Variants in HIPK2 observed in about 807,000 individuals in gnomAD.
HIPK2 encodes homeodomain-interacting protein kinase 2.
HIPK2 carries 27 observed loss-of-function variants against 113.7 expected under a neutral mutation model. The ratio of observed to expected loss-of-function variants is 0.24; its 90% confidence interval spans 0.17 to 0.33. The LOEUF (loss-of-function observed/expected upper bound fraction) is 0.33. Among genes scored for constraint, HIPK2 ranks in the 10% least tolerant of loss-of-function variants. The probability of loss-of-function intolerance (pLI) is 1.00; values close to 1 mark genes in which losing one functional copy is unlikely to be tolerated. For synonymous variants in HIPK2, 631 were observed against 642.2 expected, an observed-to-expected ratio of 0.98 and a Z score of 0.26; for missense variants, 1,257 against 1,588.0, an observed-to-expected ratio of 0.79 and a Z score of 3.54.
intron 9 of HIPK2, among the ~76,000 whole-genome samples, chr7:139,612,478 G>C (rs1001468765): frequency 6.6e-6 from 1 of 152,158 alleles, no homozygotes. Context: ...ACTCTGATGA[G>C]CAAGTTATTC....
chr7:139,764,419 A>G (rs891888015), intron 1 of HIPK2, among the ~76,000 whole-genome samples: 1 of 152,220 alleles, frequency 6.6e-6, no homozygotes, highest in African/African-American at 2.4e-5. Flanking sequence ...AAAAATCAAT[A>G]CAATTTGGTG....
At chr7:139,748,471 G>C (rs984476794) in intron 1 of HIPK2, among the ~76,000 whole-genome samples, 1 of 151,954 alleles carries the variant, frequency 6.6e-6, no homozygotes. Context: ...CTCCCTCCGA[G>C]GCTGTGAGGG....
chr7:139,742,735 C>T (rs952730717), intron 1 of HIPK2, among the ~76,000 whole-genome samples: 2 of 152,100 alleles, frequency 1.3e-5, no homozygotes, highest in African/African-American at 4.8e-5. Context: ...TTCAGAGAAG[C>T]AAAAGGAGCA....
chr7:139,678,065 T>C (rs1312464621), intron 2 of HIPK2, among the ~76,000 whole-genome samples: 3 of 149,490 alleles, frequency 2.0e-5, no homozygotes, highest in Non-Finnish European at 4.5e-5. Context: ...TTTGATGGGG[T>C]TGTTTGTTTT....
chr7:139,595,627 A>G (rs1714778950), intron 12 of HIPK2, among the ~76,000 whole-genome samples: 1 of 152,206 alleles, frequency 6.6e-6, no homozygotes, highest in African/African-American at 2.4e-5. Context: ...TGAATGAGAC[A>G]TGTACTAACC....
chr7:139,668,246 T>A (rs563218679), intron 2 of HIPK2, among the ~76,000 whole-genome samples: 17 of 151,998 alleles, frequency 1.1e-4, no homozygotes, highest in African/African-American at 4.1e-4. Flanking sequence ...GTATAATTAA[T>A]GTGAAATGCT....
chr7:139,710,372 T>C (rs73733198), intron 2 of HIPK2, among the ~76,000 whole-genome samples: 2 of 150,712 alleles, frequency 1.3e-5, no homozygotes, highest in South Asian at 4.3e-4. Context: ...TCATGTTAAC[T>C]TCCCTGTTAA....
At chr7:139,639,377 T>C (rs1476303208) in intron 2 of HIPK2, among the ~76,000 whole-genome samples, 1 of 152,210 alleles carries the variant, frequency 6.6e-6, no homozygotes, top group African/African-American at 2.4e-5. Flanking sequence ...TTTCAAGCTG[T>C]CCTCACTCAC....
At chr7:139,617,690 C>T (rs1800104833) in intron 7 of HIPK2, among the ~76,000 whole-genome samples, 1 of 152,054 alleles carries the variant, frequency 6.6e-6, no homozygotes, top group Non-Finnish European at 1.5e-5. Flanking sequence ...AATTATTGAC[C>T]CAGCTTCCTT....
At chr7:139,647,000 CA>C (rs1247590601) in intron 2 of HIPK2, among the ~76,000 whole-genome samples, 1 of 152,164 alleles carries the variant, frequency 6.6e-6, no homozygotes, top group East Asian at 1.9e-4. Flanking sequence ...GCTTTCTACT[CA>C]AACCTTACCT....
intron 2 of HIPK2, among the ~76,000 whole-genome samples, chr7:139,697,370 A>G (rs1794595592): frequency 6.6e-6 from 1 of 152,248 alleles, no homozygotes. Context: ...CTACAGCCGG[A>G]AAAGTATAAA....
At chr7:139,657,706 G>A (rs2116522496) in intron 2 of HIPK2, among the ~76,000 whole-genome samples, 1 of 152,268 alleles carries the variant, frequency 6.6e-6, no homozygotes, top group Non-Finnish European at 1.5e-5. Flanking sequence ...GTCATGCCAG[G>A]CACTTGTTTC....
At chr7:139,620,342 A>G (rs1585286821) in intron 7 of HIPK2, 59 bp downstream of exon 7, 1 of 1,583,910 alleles carries the variant, frequency 6.3e-7, no homozygotes. Context: ...TGGAAAATAC[A>G]AGTCCTGAGG....
chr7:139,700,442 A>T (rs1381153040), intron 2 of HIPK2, among the ~76,000 whole-genome samples: 1 of 152,216 alleles, frequency 6.6e-6, no homozygotes, highest in Non-Finnish European at 1.5e-5. Flanking sequence ...CTTTCCTGCA[A>T]ATACTCAGAA....
chr7:139,716,685 C>T lies in HIPK2; in HGVS notation c.350G>A (p.Arg117Gln), dbSNP rs764542823. 12 of 1,613,710 alleles carry T rather than the reference C, an allele frequency of 7.4e-6. No homozygotes were observed. Among genetic ancestry groups the T allele is most frequent in the South Asian group, 2.2e-5 (2 of 91,072 alleles). Residue 117 changes from arginine (R) to glutamine (Q), a missense_variant, in exon 2 of 15, where the codon CGA becomes CAA. Transcript: ENST00000406875. The surrounding 1 kb of genome is among the most constrained non-coding windows in gnomAD (Gnocchi z 9.3). The part of the protein sequence containing the change: ...VLGGPHNLMR[R>Q]STVSLLDTYQ... ...GGTATCAAGGAGGCTCACAGTGCTT[C>T]GACGCATTAGGTTGTGTGGTCCGCC...
At chr7:139,588,351 A>C (rs184484595) in intron 12 of HIPK2, among the ~76,000 whole-genome samples, 69 of 151,152 alleles carry the variant, frequency 4.6e-4, no homozygotes, top group African/African-American at 1.4e-3. Flanking sequence ...AAAAAAAAAA[A>C]CAAAAAAACA....
At chr7:139,677,010 C>CA (rs1802524337) in intron 2 of HIPK2, among the ~76,000 whole-genome samples, 1 of 151,860 alleles carries the variant, frequency 6.6e-6, no homozygotes. Flanking sequence ...TACAGGCATG[C>CA]ACCACCACAC....
intron 10 of HIPK2, among the ~76,000 whole-genome samples, chr7:139,601,008 C>G (rs777700230): frequency 6.6e-6 from 1 of 152,056 alleles, no homozygotes; most frequent in Non-Finnish European, 1.5e-5. Flanking sequence ...TCTGGGAGAC[C>G]GAGGAGGGCA....
chr7:139,665,558 ACATCCATCCATCCATCCATCCATCCATC>A (rs71170908), intron 2 of HIPK2, among the ~76,000 whole-genome samples: 2 of 148,076 alleles, frequency 1.4e-5, no homozygotes, highest in Admixed American at 6.8e-5. Context: ...CCTCCTGGCC[ACATCCATCCATCCATCCATCCATCCATC>A]CATCCATCCA....
Sources: gnomAD v4.1 joint callset for allele counts (sites outside exome capture counted in the v4.1 genomes callset) on GRCh38, gnomAD v4.1.1 for gene constraint, Gnocchi (gnomAD v3.1) non-coding constraint, MANE v1.5 for transcripts, NCBI Gene and HGNC (gene_info 2026-07-23, HGNC 2026-07-21) for gene names.